The following APBA2 variants were observed in gnomAD, a reference collection of about 807,000 sequenced individuals.
The protein encoded by APBA2 is amyloid beta precursor protein binding family A member 2, also known as amyloid-beta A4 precursor protein-binding family A member 2.
In APBA2, 30 loss-of-function variants were observed where a neutral mutation model predicts 75.0. The ratio of observed to expected loss-of-function variants is 0.40; its 90% CI spans 0.30 to 0.54. The LOEUF is 0.54. Ranked by LOEUF, APBA2 falls within the 20% of genes least tolerant of loss-of-function variation. The pLI is 0.49. For missense variants in APBA2, 801 were observed against 1,016.1 expected, an observed-to-expected ratio of 0.79 and a Z score of 2.88; for synonymous variants, 444 against 409.6, an observed-to-expected ratio of 1.08 and a Z score of -1.01.
chr15:28,923,983 G>C (rs2034118632), intron 2 of APBA2, among the ~76,000 whole-genome samples: 1 of 152,234 alleles, frequency 6.6e-6, no homozygotes, highest in Non-Finnish European at 1.5e-5. Flanking sequence ...GATTTCAAGA[G>C]AAGATGCAGA....
intron 4 of APBA2, among the ~76,000 whole-genome samples, chr15:29,062,659 A>G (rs111649223): frequency 4.7e-4 from 71 of 152,310 alleles, no homozygotes; most frequent in African/African-American, 1.5e-3. Context: ...TTTCTAAAAC[A>G]TTGTTCTAAA....
At chr15:29,089,524 CTAA>C (rs953774104) in intron 6 of APBA2, among the ~76,000 whole-genome samples, 2 of 152,180 alleles carry the variant, frequency 1.3e-5, no homozygotes, top group Admixed American at 1.3e-4. Flanking sequence ...GGTCTTGGAG[CTAA>C]TGAGACCCCC....
chr15:29,053,792 G>A (rs2041726107), intron 3 of APBA2, 53 bp from the exon 4 acceptor site: 8 of 1,173,626 alleles, frequency 6.8e-6, no homozygotes, highest in Admixed American at 2.2e-5. Flanking sequence ...CCCCACACAT[G>A]GCTGGGCTTT....
At chr15:28,938,420 TG>T (rs1474008316) in intron 2 of APBA2, among the ~76,000 whole-genome samples, 1 of 152,244 alleles carries the variant, frequency 6.6e-6, no homozygotes, top group East Asian at 1.9e-4. Flanking sequence ...TGCTGACTTT[TG>T]TGTGGGACTT....
intron 9 of APBA2, among the ~76,000 whole-genome samples, chr15:29,099,562 C>T (rs1445794783): frequency 6.6e-6 from 1 of 152,224 alleles, no homozygotes; most frequent in East Asian, 1.9e-4. Context: ...AAAGAGGTGT[C>T]CAGCCTAGAC....
intron 3 of APBA2, among the ~76,000 whole-genome samples, chr15:29,042,878 G>A (rs931134636): frequency 2.0e-5 from 3 of 151,990 alleles, no homozygotes; most frequent in Admixed American, 6.6e-5. Context: ...CAGAAGCTGC[G>A]CCCCTTTCTC....
chr15:28,901,237 C>G (rs1214407336), intron 1 of APBA2, among the ~76,000 whole-genome samples: 1 of 152,196 alleles, frequency 6.6e-6, no homozygotes, highest in Non-Finnish European at 1.5e-5. Flanking sequence ...TCACCGTGGC[C>G]TGAGGATCTG....
At chr15:29,031,324 C>T (rs1397398380) in intron 3 of APBA2, among the ~76,000 whole-genome samples, 5 of 152,186 alleles carry the variant, frequency 3.3e-5, no homozygotes, top group Non-Finnish European at 5.9e-5. Context: ...AATGTATTGC[C>T]TCACAGTTCT....
At chr15:29,071,624 T>C (rs1054273273) in intron 4 of APBA2, among the ~76,000 whole-genome samples, 2 of 146,830 alleles carry the variant, frequency 1.4e-5, no homozygotes, top group Non-Finnish European at 3.0e-5. Context: ...CCCAAATCCA[T>C]GTGGGCCTCC....
intron 2 of APBA2, among the ~76,000 whole-genome samples, chr15:28,975,009 A>G (rs1324595390): frequency 6.6e-6 from 1 of 152,146 alleles, no homozygotes; most frequent in Non-Finnish European, 1.5e-5. Flanking sequence ...TAAGCTAATC[A>G]TGAAGGGGAG....
chr15:29,117,218 C>A lies in APBA2; in HGVS notation c.*85C>A. 7.6e-7 allele frequency: 1 copy of A among 1,315,604 alleles called. No individual in the cohort carries two copies. The highest frequency in any genetic ancestry group is 1.1e-6 in the Non-Finnish European group (1 of 913,728). The allele number at this position is 1,315,604 out of a possible 1,614,324, so 81.5% of individuals were successfully genotyped here. A position where few individuals can be genotyped will look rare whatever the true frequency, so the allele number is the denominator to read the frequency against. ...GCTGGGAGCCGGGCCGCAGACTTGA[C>A]CCCGACGCCACAGCCCAGCCACGGA... On this transcript the variant is annotated 3_prime_UTR_variant, in exon 15 of 15. Coordinates refer to ENST00000683413, the MANE Select transcript of APBA2 (RefSeq NM_001353788.2).
intron 2 of APBA2, among the ~76,000 whole-genome samples, chr15:28,949,896 C>T (rs542349530): frequency 6.6e-6 from 1 of 152,320 alleles, no homozygotes; most frequent in South Asian, 2.1e-4. Flanking sequence ...TTACATCACA[C>T]GGTGCATTTG....
chr15:29,045,069 T>TTCTCTCTCTCTCTCTCTCTCTTTCTCTC (rs2041239498), intron 3 of APBA2, among the ~76,000 whole-genome samples: 6 of 82,866 alleles, frequency 7.2e-5, no homozygotes, highest in African/African-American at 6.9e-4. Flanking sequence ...CCCTCCCTCC[T>TTCTCTCTCTCTCTCTCTCTCTTTCTCTC]TCTCTCTCTC....
chr15:29,048,524 G>A (rs892226707), intron 3 of APBA2, among the ~76,000 whole-genome samples: 1 of 152,166 alleles, frequency 6.6e-6, no homozygotes, highest in Non-Finnish European at 1.5e-5. Flanking sequence ...CTTGCCTTAT[G>A]TCGTATTAAA....
chr15:29,053,450 A>C (rs760015941), intron 3 of APBA2, among the ~76,000 whole-genome samples: 28 of 152,092 alleles, frequency 1.8e-4, no homozygotes, highest in Admixed American at 7.2e-4. Flanking sequence ...ATTGGTCCTC[A>C]TTATGTCTTC....
intron 3 of APBA2, among the ~76,000 whole-genome samples, chr15:29,051,904 G>A (rs2152884088): frequency 6.6e-6 from 1 of 152,142 alleles, no homozygotes; most frequent in South Asian, 2.1e-4. Context: ...GCCACCTAAG[G>A]TCCTCACTGA....
At chr15:28,908,869 C>A (rs948597022) in intron 1 of APBA2, among the ~76,000 whole-genome samples, 5 of 152,134 alleles carry the variant, frequency 3.3e-5, no homozygotes, top group Non-Finnish European at 7.3e-5. Flanking sequence ...GTTGTGCAAC[C>A]ATCACCGTCA....
chr15:29,088,034 A>G (rs1041313467), intron 6 of APBA2, among the ~76,000 whole-genome samples: 6 of 151,768 alleles, frequency 4.0e-5, no homozygotes, highest in African/African-American at 1.5e-4. Flanking sequence ...TGGCAGCCTC[A>G]TTGTCTGCAC....
intron 2 of APBA2, among the ~76,000 whole-genome samples, chr15:28,929,662 C>T (rs2034459677): frequency 6.6e-6 from 1 of 152,172 alleles, no homozygotes; most frequent in Non-Finnish European, 1.5e-5. Context: ...GCTAAACCTT[C>T]TGTCCATACC....
Sources: gnomAD v4.1 joint callset for allele counts (sites outside exome capture counted in the v4.1 genomes callset) on GRCh38, gnomAD v4.1.1 for gene constraint, MANE v1.5 for transcripts, NCBI Gene and HGNC (gene_info 2026-07-23, HGNC 2026-07-21) for gene names.